The following PHF2 variants were observed in gnomAD, a reference collection of about 807,000 sequenced individuals.
PHF2 encodes PHD finger protein 2, also known as lysine-specific demethylase PHF2.
A neutral mutation model predicts 120.5 loss-of-function variants in PHF2; 27 were observed. That is an observed-to-expected ratio of 0.22 (90% confidence interval 0.17 to 0.31). The LOEUF is 0.31. Among genes scored for constraint, PHF2 ranks in the 10% least tolerant of loss-of-function variants. The probability of loss-of-function intolerance (pLI) is 1.00; values close to 1 mark genes in which losing one functional copy is unlikely to be tolerated. For synonymous variants in PHF2, 568 were observed against 592.5 expected (o/e 0.96, Z 0.60); for missense variants, 1,024 against 1,434.8 (o/e 0.71, Z 4.63).
intron 17 of PHF2, among the ~76,000 whole-genome samples, chr9:93,667,836 G>A (rs947716754): frequency 2.0e-5 from 3 of 152,182 alleles, no homozygotes; most frequent in Non-Finnish European, 2.9e-5. Context: ...TGATATCCGG[G>A]TGTTTGCGGC....
intron 1 of PHF2, among the ~76,000 whole-genome samples, chr9:93,603,513 A>G (rs923403081): frequency 2.5e-4 from 38 of 152,010 alleles, no homozygotes; most frequent in African/African-American, 8.9e-4. Flanking sequence ...GCCAGCCCTC[A>G]CCTTGGGACC....
At chr9:93,625,888 C>A (rs1032969543) in intron 1 of PHF2, among the ~76,000 whole-genome samples, 1 of 152,020 alleles carries the variant, frequency 6.6e-6, no homozygotes, top group South Asian at 2.1e-4. Context: ...ACAGTGCTTG[C>A]GTTTCTACCA....
chr9:93,660,260 C>G lies in PHF2; in HGVS notation c.1398C>G (p.Asp466Glu). The G allele has an allele frequency of 1.2e-6, 2 of 1,608,702 alleles. No homozygotes were observed. Among genetic ancestry groups the G allele is most frequent in the Non-Finnish European group, 1.7e-6 (2 of 1,178,398 alleles). ...VASSDEVCDGDREKEEPPSPI... is the reference protein window; with the variant it reads ...VASSDEVCDGEREKEEPPSPI... ...CGTCAGATGAGGTGTGTGACGGGGA[C>G]CGGGAGAAGGAGGAGCCCCCGTCTC... is the stretch of plus-strand genomic sequence containing the variant. The change falls in exon 12 of 22, where the codon GAC becomes GAG. Residue 466 changes from aspartate (D) to glutamate (E), a missense_variant. Coordinates refer to ENST00000359246, the MANE Select transcript of PHF2 (RefSeq NM_005392.4).
At chr9:93,609,996 C>G (rs533970542) in intron 1 of PHF2, among the ~76,000 whole-genome samples, 4 of 152,110 alleles carry the variant, frequency 2.6e-5, no homozygotes, top group Non-Finnish European at 5.9e-5. Context: ...CGCCTGACCT[C>G]CCTGACTTTT....
At chr9:93,666,937 T>TAAATAA (rs890254776) in intron 16 of PHF2, 143 bp from the exon 17 acceptor site, 32 of 393,456 alleles carry the variant, frequency 8.1e-5, no homozygotes, top group Non-Finnish European at 5.6e-5. Flanking sequence ...ACTAAATAAA[T>TAAATAA]AAATAAAAAT....
At chr9:93,639,806 C>T (rs1041628553) in intron 3 of PHF2, among the ~76,000 whole-genome samples, 3 of 152,180 alleles carry the variant, frequency 2.0e-5, no homozygotes, top group Non-Finnish European at 2.9e-5. Context: ...GTCCTGCTCT[C>T]CCAAGAAGAA....
At chr9:93,665,540 G>A (rs370880045) in intron 14 of PHF2, 146 bp from the exon 15 acceptor site, 11 of 827,202 alleles carry the variant, frequency 1.3e-5, no homozygotes, top group East Asian at 2.7e-5. Flanking sequence ...AGGCTTCTTC[G>A]GATGGAAATT....
intron 1 of PHF2, among the ~76,000 whole-genome samples, chr9:93,625,058 C>A (rs1451243561): frequency 6.6e-6 from 1 of 152,146 alleles, no homozygotes; most frequent in East Asian, 1.9e-4. Flanking sequence ...GCAACCATTG[C>A]CTCTATCTAG....
intron 1 of PHF2, among the ~76,000 whole-genome samples, chr9:93,591,157 AAG>A (rs1825214764): frequency 6.6e-6 from 1 of 152,098 alleles, no homozygotes; most frequent in Non-Finnish European, 1.5e-5. Flanking sequence ...GCTGGGACTC[AAG>A]GTCCCAGCAC....
intron 17 of PHF2, among the ~76,000 whole-genome samples, chr9:93,673,008 G>A (rs1037623948): frequency 1.3e-5 from 2 of 151,834 alleles, no homozygotes; most frequent in South Asian, 4.1e-4. Flanking sequence ...GCAGATGCAG[G>A]TGTGGGTAAA....
At chr9:93,620,274 C>T (rs970379991) in intron 1 of PHF2, among the ~76,000 whole-genome samples, 1 of 152,194 alleles carries the variant, frequency 6.6e-6, no homozygotes, top group Non-Finnish European at 1.5e-5. Flanking sequence ...CTGTGAGGAC[C>T]GTCCTCACCC....
Position 93,645,661 on chromosome 9 carries a change from G to A in PHF2, c.332G>A (p.Ser111Asn). 6.2e-7 allele frequency: 1 copy of A among 1,609,234 alleles called. No homozygotes were observed. Among genetic ancestry groups the A allele is most frequent in the Non-Finnish European group, 8.5e-7 (1 of 1,177,012 alleles). The part of the protein sequence containing the change: ...AEDVVARVPG[S>N]QLTLGYMEEH... ...GACGTGGTGGCCCGTGTGCCAGGAA[G>A]TCAGCTCACGCTGGGCTACATGGAG... Residue 111 changes from serine (S) to asparagine (N), a missense_variant, in exon 4 of 22, where the codon AGT becomes AAT. Coordinates refer to ENST00000359246, the MANE Select transcript of PHF2 (RefSeq NM_005392.4).
rs542313911 is a variant in PHF2, at chr9:93,590,912, T to C, written c.98+14041T>C. Among the ~76,000 whole-genome samples, 5 of 152,350 alleles carry C rather than the reference T, an allele frequency of 3.3e-5. No individual in the cohort carries two copies. In the South Asian group the frequency reaches 1.0e-3, roughly 32 times the overall value. On this transcript the variant is annotated intron_variant, in intron 1 of 21. Transcript: ENST00000359246. ...CTGAGATTTGAATATCCCTTTATGA[T>C]TTGTGTTCCTTTGAGGGGCCGCTTC... is the stretch of plus-strand genomic sequence containing the variant.
chr9:93,611,988 T>A (rs1285134218), intron 1 of PHF2, among the ~76,000 whole-genome samples: 4 of 152,238 alleles, frequency 2.6e-5, no homozygotes, highest in Non-Finnish European at 5.9e-5. Context: ...GGCCTGTGTG[T>A]CTTTCCTGAA....
At position 93,653,173 on chromosome 9, in the gene PHF2, C is replaced by G. The variant is rs375330160; in HGVS notation, c.603-6C>G. 2 of 1,613,824 alleles carry G rather than the reference C, an allele frequency of 1.2e-6. No individual in the cohort carries two copies. Among genetic ancestry groups the G allele is most frequent in the Non-Finnish European group, 1.7e-6 (2 of 1,179,818 alleles). On this transcript the variant is annotated splice_region_variant and splice_polypyrimidine_tract_variant and intron_variant, in intron 5 of 21. Coordinates refer to ENST00000359246, the MANE Select transcript of PHF2 (RefSeq NM_005392.4). ...TTCCCTCACCACCTTCCTCTCCCAC[C>G]CCTAGAATGTCCAGCTTCGTGGAGC... is the stretch of plus-strand genomic sequence containing the variant.
At position 93,576,712 on chromosome 9, in the gene PHF2, C is replaced by T; in HGVS notation, c.-62C>T. 1 of 738,884 alleles carries T rather than the reference C, an allele frequency of 1.4e-6. No homozygotes were observed. The highest frequency in any genetic ancestry group is 1.6e-6 in the Non-Finnish European group (1 of 608,412). The allele number at this position is 738,884 out of a possible 1,614,324, so 45.8% of individuals were successfully genotyped here. A position where few individuals can be genotyped will look rare whatever the true frequency, so the allele number is the denominator to read the frequency against. Reference sequence around the variant, plus strand: ...CGCCCCCGCGCGGCCCGGCCCCCGGCCCGGCCCGGACCGACCCGGGCAGCG... The same window carrying T: ...CGCCCCCGCGCGGCCCGGCCCCCGGTCCGGCCCGGACCGACCCGGGCAGCG... On this transcript the variant is annotated 5_prime_UTR_variant, in exon 1 of 22. Coordinates refer to ENST00000359246, the MANE Select transcript of PHF2 (RefSeq NM_005392.4).
At chr9:93,660,672 C>T (rs1370916503) in intron 12 of PHF2, 112 bp downstream of exon 12, 8 of 1,061,764 alleles carry the variant, frequency 7.5e-6, no homozygotes, top group Middle Eastern at 3.1e-4. Context: ...TCCCCAGGGG[C>T]CCCTGAGAAG....
chr9:93,619,946 C>G (rs1231433780), intron 1 of PHF2, among the ~76,000 whole-genome samples: 1 of 152,162 alleles, frequency 6.6e-6, no homozygotes, highest in Admixed American at 6.5e-5. Context: ...GGGTTTTCTC[C>G]TGGTCTGGTC....
At position 93,636,513 on chromosome 9, in the gene PHF2, G is replaced by A. The variant is rs1308250891; in HGVS notation, c.287G>A (p.Arg96Gln). 3.8e-6 allele frequency: 6 copies of A among 1,590,552 alleles called. No homozygotes were observed. Among genetic ancestry groups the A allele is most frequent in the Non-Finnish European group, 5.1e-6 (6 of 1,168,822 alleles). ...SQLFIKELRS[R>Q]TFPSAEDVVA... ...CTCTTCATCAAGGAGCTGCGGAGCC[G>A]GACCTTTCCCAGGTGGGCTGGCCTT... The change falls in exon 3 of 22, where the codon CGG becomes CAG. Residue 96 changes from arginine (R) to glutamine (Q), a missense_variant. By Grantham distance (43) the Arg-to-Gln change is conservative. Transcript: ENST00000359246.
Sources: gnomAD v4.1 joint callset for allele counts (sites outside exome capture counted in the v4.1 genomes callset) on GRCh38, gnomAD v4.1.1 for gene constraint, MANE v1.5 for transcripts, NCBI Gene and HGNC (gene_info 2026-07-23, HGNC 2026-07-21) for gene names.